The following CORIN variants were observed in gnomAD, a reference collection of about 807,000 sequenced individuals.
The protein encoded by CORIN is corin, serine peptidase.
CORIN carries 117 observed loss-of-function variants against 125.3 expected under a neutral mutation model. The ratio of observed to expected loss-of-function variants is 0.93; its 90% confidence interval spans 0.80 to 1.09. The LOEUF (loss-of-function observed/expected upper bound fraction) is 1.09, where lower values mean the gene tolerates loss of function less well. CORIN is among the 50% of genes least tolerant of loss of function. The probability of loss-of-function intolerance (pLI) is 0.00; values close to 1 mark genes in which losing one functional copy is unlikely to be tolerated. For synonymous variants in CORIN, 450 were observed against 466.4 expected, an observed-to-expected ratio of 0.96 and a Z score of 0.45; for missense variants, 1,253 against 1,306.7, an observed-to-expected ratio of 0.96 and a Z score of 0.63.
At position 47,778,992 on chromosome 4, in the gene CORIN, A is replaced by G. The variant is rs866049304; in HGVS notation, c.409+7733T>C. Reference sequence around the variant, plus strand: ...CCCCTACATAAAATTTAGGCTGTCTATGAACTTGTATGGGGAAAAAATAAC... The same window carrying G: ...CCCCTACATAAAATTTAGGCTGTCTGTGAACTTGTATGGGGAAAAAATAAC... On this transcript the variant is annotated intron_variant, in intron 3 of 21. Transcript: ENST00000273857. Among the ~76,000 whole-genome samples, 13 of 152,318 alleles carry G rather than the reference A, an allele frequency of 8.5e-5. No homozygotes were observed. In the South Asian group the frequency reaches 1.7e-3, roughly 19 times the overall value.
chr4:47,676,816 G>A (rs1725039855), intron 9 of CORIN, among the ~76,000 whole-genome samples: 1 of 152,088 alleles, frequency 6.6e-6, no homozygotes, highest in South Asian at 2.1e-4. Flanking sequence ...GAATTATACA[G>A]AAAGAAAGAA....
In CORIN at chr4:47,837,926, A is replaced by T; in HGVS notation, c.24T>A (p.Ala8=). The T allele has an allele frequency of 1.2e-6, 2 of 1,613,638 alleles. No individual in the cohort carries two copies. The highest frequency in any genetic ancestry group is 1.7e-6 in the Non-Finnish European group (2 of 1,180,026). ...CGGCTCTGCGGCAGCGCTCTTCCGG[A>T]GCGAGGGCAGGAGACTGTTTCATGG... is the stretch of plus-strand genomic sequence containing the variant. MKQSPAL[A]PEERCRRAGS... The change falls in exon 1 of 22, where the codon GCT becomes GCA. Residue 8 remains alanine (A), a synonymous_variant. Transcript: ENST00000273857.
chr4:47,777,321 T>A (rs1371960804), intron 3 of CORIN, among the ~76,000 whole-genome samples: 1 of 152,200 alleles, frequency 6.6e-6, no homozygotes, highest in Non-Finnish European at 1.5e-5. Context: ...AAACAAGTAC[T>A]ATACCATAAG....
chr4:47,667,028 T>C (rs1577802493), intron 10 of CORIN, among the ~76,000 whole-genome samples: 1 of 152,196 alleles, frequency 6.6e-6, no homozygotes, highest in Admixed American at 6.5e-5. Flanking sequence ...CCACTTGTTG[T>C]GGGAGGGAGC....
At chr4:47,669,268 A>T (rs916169688) in intron 10 of CORIN, among the ~76,000 whole-genome samples, 1 of 152,196 alleles carries the variant, frequency 6.6e-6, no homozygotes, top group African/African-American at 2.4e-5. Flanking sequence ...TATCGTTATG[A>T]TGTGATACTC....
rs183880268 is a variant in CORIN at position 47,677,961 on chromosome 4, C to T, written c.1226G>A (p.Ser409Asn). ...ACTGACGCTGCAGTTCTCCTCATCA[C>T]TCCCATCCTTGCAGTCCTCGTCACC... ...CDGDEDCKDG[S>N]DEENCSVIQT... The change falls in exon 9 of 22, where the codon AGT becomes AAT. Residue 409 changes from serine to asparagine, a missense_variant. By Grantham distance (46) the Ser-to-Asn change is conservative (BLOSUM62 1). Coordinates refer to ENST00000273857, the MANE Select transcript of CORIN (RefSeq NM_006587.4). 1.7e-5 allele frequency: 27 copies of T among 1,613,494 alleles called. No individual in the cohort carries two copies. The East Asian group carries it at 1.8e-4, about 11-fold the overall frequency.
intron 5 of CORIN, among the ~76,000 whole-genome samples, chr4:47,744,129 A>G (rs1165193190): frequency 6.6e-6 from 1 of 152,226 alleles, no homozygotes; most frequent in African/African-American, 2.4e-5. Flanking sequence ...GTATGATTCC[A>G]TTTATATGAA....
At chr4:47,739,086 T>C (rs925407760) in intron 5 of CORIN, among the ~76,000 whole-genome samples, 3 of 151,924 alleles carry the variant, frequency 2.0e-5, no homozygotes, top group Non-Finnish European at 4.4e-5. Context: ...TGTACCAACA[T>C]ACTCATAATG....
chr4:47,757,884 A>ATATATATATATG (rs1489369710), intron 4 of CORIN, among the ~76,000 whole-genome samples: 19 of 142,158 alleles, frequency 1.3e-4, no homozygotes, highest in African/African-American at 5.0e-4. Context: ...ATATGTATAT[A>ATATATATATATG]TATATATATA....
chr4:47,739,852 G>A (rs748384586), intron 5 of CORIN, among the ~76,000 whole-genome samples: 3 of 151,700 alleles, frequency 2.0e-5, no homozygotes, highest in Admixed American at 6.6e-5. Context: ...GTTGAAATTC[G>A]GTTAGGATTC....
chr4:47,822,532 CT>C (rs1732563282), intron 1 of CORIN, among the ~76,000 whole-genome samples: 1 of 152,174 alleles, frequency 6.6e-6, no homozygotes, highest in Non-Finnish European at 1.5e-5. Context: ...CTTCAGTCTT[CT>C]CTTATCTTTT....
chr4:47,706,311 C>A, intron 5 of CORIN: 2 of 1,260,838 alleles, frequency 1.6e-6, no homozygotes, highest in Non-Finnish European at 1.1e-6. Context: ...ACTCTATGGA[C>A]TTTCAAGAAA....
intron 10 of CORIN, 104 bp from the exon 11 acceptor site, chr4:47,665,367 G>T (rs1724436967): frequency 2.6e-6 from 2 of 784,198 alleles, no homozygotes; most frequent in South Asian, 3.7e-5. Flanking sequence ...CTTTAGAGTA[G>T]CTAAGACTAG....
Position 47,800,031 on chromosome 4 carries a change from T to C in CORIN, c.208+6872A>G, listed in dbSNP as rs569556700. ...ATATGGTCATACAGAATGTCTAGAA[T>C]AGGTACATCTACAGTGAAAGAAAAT... On this transcript the variant is annotated intron_variant, in intron 2 of 21. Coordinates refer to ENST00000273857, the MANE Select transcript of CORIN (RefSeq NM_006587.4). 9.0e-4 allele frequency among the ~76,000 whole-genome samples: 137 copies of C among 152,126 alleles called. 2 individuals carry two copies. Among genetic ancestry groups the C allele is most frequent in the Middle Eastern group, 3.4e-3 (1 of 294 alleles).
chr4:47,765,730 G>A (rs938267262), intron 3 of CORIN, among the ~76,000 whole-genome samples: 2 of 152,176 alleles, frequency 1.3e-5, no homozygotes, highest in African/African-American at 4.8e-5. Flanking sequence ...TTATATTGTA[G>A]GGTGATTTTT....
intron 7 of CORIN, chr4:47,682,925 A>G (rs1725351749): frequency 6.6e-6 from 1 of 152,220 alleles, no homozygotes; most frequent in African/African-American, 2.4e-5. Context: ...CCTAACATTC[A>G]TGATTCCAAT....
At chr4:47,697,557 T>C (rs1462218052) in intron 5 of CORIN, among the ~76,000 whole-genome samples, 1 of 151,738 alleles carries the variant, frequency 6.6e-6, no homozygotes, top group African/African-American at 2.4e-5. Flanking sequence ...CTACTAAAAA[T>C]ACAAAAATTA....
At chr4:47,656,781 G>A (rs1724004615) in intron 12 of CORIN, among the ~76,000 whole-genome samples, 1 of 152,172 alleles carries the variant, frequency 6.6e-6, no homozygotes, top group Non-Finnish European at 1.5e-5. Flanking sequence ...AGTCCTAGCT[G>A]AAGCAGTCAT....
At chr4:47,760,867 T>G (rs768191739) in intron 4 of CORIN, among the ~76,000 whole-genome samples, 4 of 152,238 alleles carry the variant, frequency 2.6e-5, no homozygotes, top group Non-Finnish European at 4.4e-5. Context: ...AAATGAGCAC[T>G]TGTTACGTCA....
Sources: gnomAD v4.1 joint callset for allele counts (sites outside exome capture counted in the v4.1 genomes callset) on GRCh38, gnomAD v4.1.1 for gene constraint, MANE v1.5 for transcripts, NCBI Gene and HGNC (gene_info 2026-07-23, HGNC 2026-07-21) for gene names.